Variants in GUCY1A2 observed in about 807,000 individuals in gnomAD.
GUCY1A2 encodes guanylate cyclase 1 soluble subunit alpha 2, also known as guanylate cyclase soluble subunit alpha-2.
Under a neutral mutation model 63.5 loss-of-function variants are expected in GUCY1A2, and 27 were observed. The observed-to-expected ratio is 0.43, with a 90% CI of 0.31 to 0.59. The LOEUF (loss-of-function observed/expected upper bound fraction) is 0.59, where lower values mean the gene tolerates loss of function less well. Ranked by LOEUF, GUCY1A2 falls within the 20% of genes least tolerant of loss-of-function variation. The pLI is 0.11. For synonymous variants in GUCY1A2, 364 were observed against 343.5 expected (o/e 1.06, Z -0.66); for missense variants, 768 against 913.3 (o/e 0.84, Z 2.05).
chr11:106,829,319 G>A (rs983471757), intron 4 of GUCY1A2, among the ~76,000 whole-genome samples: 12 of 152,150 alleles, frequency 7.9e-5, no homozygotes, highest in Non-Finnish European at 1.5e-4. Context: ...CCTGATTGGG[G>A]CCTGTCTCAC....
chr11:106,747,843 G>T (rs1863816522), intron 6 of GUCY1A2, among the ~76,000 whole-genome samples: 1 of 152,168 alleles, frequency 6.6e-6, no homozygotes, highest in Non-Finnish European at 1.5e-5. Context: ...AAGCATGAGG[G>T]ATCTGATGGA....
intron 4 of GUCY1A2, among the ~76,000 whole-genome samples, chr11:106,932,629 T>C (rs949758179): frequency 6.6e-6 from 1 of 152,136 alleles, no homozygotes; most frequent in African/African-American, 2.4e-5. Context: ...ATTCTAAAGT[T>C]CATATGGAAC....
At chr11:106,966,743 T>C (rs142246683) in intron 3 of GUCY1A2, among the ~76,000 whole-genome samples, 1,592 of 152,212 alleles carry the variant, frequency 0.01, 23 homozygotes, top group African/African-American at 0.036. Context: ...ATTAAAGAAA[T>C]TGTATAAATT....
intron 7 of GUCY1A2, among the ~76,000 whole-genome samples, chr11:106,704,661 A>C (rs1862876050): frequency 6.6e-6 from 1 of 152,210 alleles, no homozygotes; most frequent in Non-Finnish European, 1.5e-5. Flanking sequence ...GAAAAATTTC[A>C]TACCAAAGTA....
intron 4 of GUCY1A2, among the ~76,000 whole-genome samples, chr11:106,891,029 G>A (rs1859966296): frequency 6.6e-6 from 1 of 152,078 alleles, no homozygotes; most frequent in Non-Finnish European, 1.5e-5. Flanking sequence ...GTAGAAGTAT[G>A]ATTAACATTA....
intron 7 of GUCY1A2, among the ~76,000 whole-genome samples, chr11:106,692,150 C>T (rs188668808): frequency 6.6e-6 from 1 of 152,264 alleles, no homozygotes; most frequent in East Asian, 1.9e-4. Flanking sequence ...CTCTGCCTAA[C>T]AATCCATTTC....
Position 106,678,884 on chromosome 11 carries a change from A to G in GUCY1A2, c.*8665T>C, listed in dbSNP as rs1862388071. On this transcript the variant is annotated 3_prime_UTR_variant, in exon 8 of 8. Transcript: ENST00000526355. Reference sequence around the variant, plus strand: ...AATTTTTAAGTCTGTCATATTTATGACTTTTTTTCTGTAACAAATGGAAAA... The same window carrying G: ...AATTTTTAAGTCTGTCATATTTATGGCTTTTTTTCTGTAACAAATGGAAAA... The G allele has an allele frequency of 1.1e-5, 2 of 189,536 alleles. No homozygotes were observed. Among genetic ancestry groups the G allele is most frequent in the African/African-American group, 4.7e-5 (2 of 42,986 alleles). 11.7% of individuals were successfully genotyped at this position (189,536 alleles called of 1,614,324 possible). A position where few individuals can be genotyped will look rare whatever the true frequency, so the allele number is the denominator to read the frequency against.
chr11:106,986,759 A>G (rs540305443), intron 1 of GUCY1A2, among the ~76,000 whole-genome samples: 1 of 152,336 alleles, frequency 6.6e-6, no homozygotes, highest in East Asian at 1.9e-4. Flanking sequence ...CACAGCAGTC[A>G]GCCTGACTTC....
intron 4 of GUCY1A2, among the ~76,000 whole-genome samples, chr11:106,863,520 C>G (rs905154170): frequency 2.6e-5 from 4 of 152,116 alleles, no homozygotes; most frequent in African/African-American, 9.7e-5. Flanking sequence ...GTACCAGTAC[C>G]ATGCTGTTTT....
At chr11:106,723,280 A>G (rs1461766758) in intron 6 of GUCY1A2, among the ~76,000 whole-genome samples, 1 of 152,212 alleles carries the variant, frequency 6.6e-6, no homozygotes, top group African/African-American at 2.4e-5. Context: ...TTCAGACCAC[A>G]GCTTAGAAGT....
At chr11:106,914,909 C>T (rs1015621414) in intron 4 of GUCY1A2, among the ~76,000 whole-genome samples, 2 of 152,044 alleles carry the variant, frequency 1.3e-5, no homozygotes, top group African/African-American at 4.8e-5. Flanking sequence ...AAATCAACAA[C>T]TTTTCTTGGA....
chr11:106,834,214 T>G (rs1859088501), intron 4 of GUCY1A2, among the ~76,000 whole-genome samples: 1 of 151,952 alleles, frequency 6.6e-6, no homozygotes, highest in South Asian at 2.1e-4. Context: ...TGCCCATTTC[T>G]CCCATACCCC....
intron 4 of GUCY1A2, among the ~76,000 whole-genome samples, chr11:106,912,477 A>C (rs1319858135): frequency 6.6e-6 from 1 of 152,150 alleles, no homozygotes; most frequent in African/African-American, 2.4e-5. Context: ...CCCAGAACCA[A>C]ATAAAGTGCT....
intron 4 of GUCY1A2, among the ~76,000 whole-genome samples, chr11:106,901,560 T>G (rs765997583): frequency 4.1e-4 from 62 of 152,166 alleles, no homozygotes; most frequent in Non-Finnish European, 8.1e-4. Flanking sequence ...TTGTTACATA[T>G]GTATACATAT....
rs140517506 is a variant in GUCY1A2 at position 106,832,783 on chromosome 11, A to G, written c.1207-22305T>C. Among the ~76,000 whole-genome samples, 5 of 152,260 alleles carry G rather than the reference A, an allele frequency of 3.3e-5. No homozygotes were observed. The East Asian group carries it at 9.7e-4, about 29-fold the overall frequency. ...GGATGCACATTGGTTAATATTTACA[A>G]ATTTTCTACAGTAGTCCCTAATTTA... is the stretch of plus-strand genomic sequence containing the variant. On this transcript the variant is annotated intron_variant, in intron 4 of 7. Coordinates refer to ENST00000526355, the MANE Select transcript of GUCY1A2 (RefSeq NM_000855.3).
Position 106,696,942 on chromosome 11 carries a change from G to T in GUCY1A2, c.1992-9186C>A, listed in dbSNP as rs539427618. ...TTAGATAGAGACAAATTAGTTGATG[G>T]CATTAGTTAAGTCGCTTAAATTCTC... On this transcript the variant is annotated intron_variant, in intron 7 of 7. Coordinates refer to ENST00000526355, the MANE Select transcript of GUCY1A2 (RefSeq NM_000855.3). Among the ~76,000 whole-genome samples, 5 of 152,152 alleles carry T rather than the reference G, an allele frequency of 3.3e-5. No individual in the cohort carries two copies. In the East Asian group the frequency reaches 9.7e-4, roughly 29 times the overall value.
rs1862394573 is a variant in GUCY1A2, at chr11:106,679,315, A to G, written c.*8234T>C. On this transcript the variant is annotated 3_prime_UTR_variant, in exon 8 of 8. Coordinates refer to ENST00000526355, the MANE Select transcript of GUCY1A2 (RefSeq NM_000855.3). ...GTCTCACAGAATACCATTAAATGCTATGGGGTGATTCTCTCTCCAGCTCAA... is the reference window on the plus strand; with the variant it reads ...GTCTCACAGAATACCATTAAATGCTGTGGGGTGATTCTCTCTCCAGCTCAA... The G allele has an allele frequency of 5.3e-6, 1 of 190,250 alleles. No individual in the cohort carries two copies. The highest frequency in any genetic ancestry group is 8.4e-5 in the East Asian group (1 of 11,946). 11.8% of individuals were successfully genotyped at this position (190,250 alleles called of 1,614,324 possible).
chr11:106,847,290 G>T (rs1179166696), intron 4 of GUCY1A2, among the ~76,000 whole-genome samples: 1 of 137,452 alleles, frequency 7.3e-6, no homozygotes, highest in Non-Finnish European at 1.6e-5. Flanking sequence ...GATTGTTTCT[G>T]CTTATATATA....
intron 4 of GUCY1A2, among the ~76,000 whole-genome samples, chr11:106,860,790 G>A (rs1264175049): frequency 1.3e-5 from 2 of 151,916 alleles, no homozygotes; most frequent in African/African-American, 4.8e-5. Flanking sequence ...TGTTCTAATG[G>A]CTGAATTAAC....
Sources: gnomAD v4.1 joint callset for allele counts (sites outside exome capture counted in the v4.1 genomes callset) on GRCh38, gnomAD v4.1.1 for gene constraint, MANE v1.5 for transcripts, NCBI Gene and HGNC (gene_info 2026-07-23, HGNC 2026-07-21) for gene names.